The following DPY19L2 variants were observed in gnomAD, a reference collection of about 807,000 sequenced individuals.
DPY19L2 encodes dpy-19 like 2.
In DPY19L2, 34 loss-of-function variants were observed where a neutral mutation model predicts 97.9. The observed-to-expected ratio is 0.35, with a 90% CI of 0.26 to 0.46. The LOEUF is 0.46. Among genes scored for constraint, DPY19L2 ranks in the 20% least tolerant of loss-of-function variants. The pLI, the probability that DPY19L2 is intolerant of heterozygous loss-of-function variation, is 1.00. For synonymous variants in DPY19L2, 230 were observed against 307.9 expected (o/e 0.75, Z 2.65); for missense variants, 623 against 911.4 (o/e 0.68, Z 4.07).
intron 12 of DPY19L2, among the ~76,000 whole-genome samples, chr12:63,602,176 C>A (rs1401917354): frequency 6.6e-6 from 1 of 151,094 alleles, no homozygotes; most frequent in Non-Finnish European, 1.5e-5. Context: ...ACAAGAAATT[C>A]AAAAACCAAG....
chr12:63,582,443 T>G lies in DPY19L2; in HGVS notation c.1688A>C (p.His563Pro), dbSNP rs773289513. 2.5e-6 allele frequency: 4 copies of G among 1,613,550 alleles called. No homozygotes were observed. The highest frequency in any genetic ancestry group is 3.4e-6 in the Non-Finnish European group (4 of 1,179,642). The change falls in exon 18 of 22, where the codon CAC becomes CCC. Residue 563 changes from histidine (H) to proline (P), a missense_variant. Physicochemically the swap from His to Pro is moderately conservative, Grantham distance 77. Coordinates refer to ENST00000324472, the MANE Select transcript of DPY19L2 (RefSeq NM_173812.5). ...IMRLKMFLTP[H>P]MCVMASLICS... ...TATCAAGGAAGCCATAACACACATG[T>G]GCGGTGTCAAAAACATCTTTAGCCT...
chr12:63,569,571 T>C (rs1181500630), intron 20 of DPY19L2: 1 of 337,596 alleles, frequency 3.0e-6, no homozygotes, highest in Non-Finnish European at 5.7e-6. Context: ...CATATACTGC[T>C]CATTACTGTA....
At chr12:63,563,206 C>A (rs1876978617) in intron 21 of DPY19L2, among the ~76,000 whole-genome samples, 1 of 152,022 alleles carries the variant, frequency 6.6e-6, no homozygotes, top group African/African-American at 2.4e-5. Context: ...TATTTTCTCC[C>A]AGACTGTGGT....
intron 19 of DPY19L2, 111 bp from the exon 20 acceptor site, chr12:63,570,968 A>C (rs1878727946): frequency 9.5e-7 from 1 of 1,054,562 alleles, no homozygotes; most frequent in African/African-American, 1.6e-5. Context: ...GCCTATTTAC[A>C]TGACCATGGA....
intron 11 of DPY19L2, among the ~76,000 whole-genome samples, chr12:63,610,703 C>T (rs1886795773): frequency 1.3e-5 from 2 of 150,584 alleles, no homozygotes; most frequent in African/African-American, 2.4e-5. Context: ...AGAATTCACA[C>T]CAATCCTTCT....
Position 63,633,651 on chromosome 12 carries a change from A to T in DPY19L2, c.804-7125T>A, listed in dbSNP as rs1891114628. On this transcript the variant is annotated intron_variant, in intron 6 of 21. Coordinates refer to ENST00000324472, the MANE Select transcript of DPY19L2 (RefSeq NM_173812.5). ...CTAGCTCAACCATTGTGGAAGTCAG[A>T]GTGGTGATTCCTCAGGGATCTAGAA... Among the ~76,000 whole-genome samples the T allele has an allele frequency of 2.0e-5, 3 of 152,246 alleles. No homozygotes were observed. The South Asian group carries it at 6.2e-4, about 32-fold the overall frequency.
At chr12:63,639,188 TTTACGAAAA>T (rs1892271240) in intron 6 of DPY19L2, among the ~76,000 whole-genome samples, 1 of 152,156 alleles carries the variant, frequency 6.6e-6, no homozygotes. Flanking sequence ...TCTTACACCT[TTTACGAAAA>T]TTAATTCAAG....
At chr12:63,592,997 C>A in intron 16 of DPY19L2, among the ~76,000 whole-genome samples, 3 of 150,100 alleles carry the variant, frequency 2.0e-5, no homozygotes, top group African/African-American at 2.4e-5. Context: ...ACAGACACTT[C>A]TCAAAAGAAG....
chr12:63,664,341 A>C (rs1810060), intron 2 of DPY19L2, among the ~76,000 whole-genome samples: 30,485 of 145,966 alleles, frequency 0.21, 3,581 homozygotes, highest in Non-Finnish European at 0.28. Context: ...TGTCTTAAAA[A>C]AAACAAACAA....
At chr12:63,575,581 C>CA (rs1257712878) in intron 19 of DPY19L2, among the ~76,000 whole-genome samples, 1 of 151,504 alleles carries the variant, frequency 6.6e-6, no homozygotes, top group Non-Finnish European at 1.5e-5. Context: ...ACAGAAGGCC[C>CA]AAATAAATAA....
intron 4 of DPY19L2, 94 bp downstream of exon 4, chr12:63,661,250 G>T: frequency 5.6e-6 from 7 of 1,247,904 alleles, no homozygotes; most frequent in Non-Finnish European, 7.6e-6. Flanking sequence ...AACCTGAAAC[G>T]TCCCCTCCCT....
chr12:63,578,884 T>C (rs544524866), intron 19 of DPY19L2, among the ~76,000 whole-genome samples: 1 of 151,974 alleles, frequency 6.6e-6, no homozygotes, highest in Non-Finnish European at 1.5e-5. Context: ...GGAGATGCTG[T>C]TGGCATCTTG....
chr12:63,572,502 G>A (rs1461867943), intron 19 of DPY19L2, among the ~76,000 whole-genome samples: 1 of 152,120 alleles, frequency 6.6e-6, no homozygotes, highest in East Asian at 1.9e-4. Context: ...GGGGGATCTT[G>A]CCACCCTGAA....
intron 19 of DPY19L2, among the ~76,000 whole-genome samples, chr12:63,573,351 GAAGA>G (rs1879237619): frequency 6.6e-6 from 1 of 151,962 alleles, no homozygotes; most frequent in Non-Finnish European, 1.5e-5. Context: ...TGATCAAGCA[GAAGA>G]AAGAATTAGT....
intron 14 of DPY19L2, 51 bp downstream of exon 14, chr12:63,597,758 C>A: frequency 6.6e-7 from 1 of 1,522,644 alleles, no homozygotes; most frequent in Non-Finnish European, 8.9e-7. Flanking sequence ...TTTAAAAAAC[C>A]TAGAGCAAAA....
intron 15 of DPY19L2, 97 bp downstream of exon 15, chr12:63,595,869 G>A (rs1174640461): frequency 9.8e-6 from 11 of 1,119,008 alleles, no homozygotes; most frequent in Admixed American, 8.7e-5. Flanking sequence ...GAGAGAGAAA[G>A]AGTTCATCCT....
chr12:63,591,542 CTT>C (rs1882911889), intron 16 of DPY19L2, among the ~76,000 whole-genome samples: 1 of 151,986 alleles, frequency 6.6e-6, no homozygotes. Flanking sequence ...CAATTTACTT[CTT>C]GAGTTTTGTA....
intron 6 of DPY19L2, among the ~76,000 whole-genome samples, chr12:63,628,300 G>C (rs1245951338): frequency 2.0e-5 from 3 of 152,176 alleles, no homozygotes; most frequent in African/African-American, 7.2e-5. Flanking sequence ...AAGGGGTCAG[G>C]GAATTCCCTT....
At chr12:63,563,548 A>G (rs1242879105) in intron 21 of DPY19L2, among the ~76,000 whole-genome samples, 1 of 152,196 alleles carries the variant, frequency 6.6e-6, no homozygotes, top group African/African-American at 2.4e-5. Context: ...GTTTGTTACT[A>G]TGGTGACTTC....
Sources: gnomAD v4.1 joint callset for allele counts (sites outside exome capture counted in the v4.1 genomes callset) on GRCh38, gnomAD v4.1.1 for gene constraint, MANE v1.5 for transcripts, NCBI Gene and HGNC (gene_info 2026-07-23, HGNC 2026-07-21) for gene names.